Variants in KCNG2 observed in about 807,000 individuals in gnomAD.
KCNG2 encodes voltage-gated potassium channel regulatory subunit KCNG2.
Under a neutral mutation model 12.3 loss-of-function variants are expected in KCNG2, and 7 were observed. The observed-to-expected ratio is 0.57, with a 90% CI of 0.32 to 1.07. The LOEUF (loss-of-function observed/expected upper bound fraction) is 1.07. Among genes scored for constraint, KCNG2 ranks in the 50% least tolerant of loss-of-function variants. The pLI is 0.04. For synonymous variants in KCNG2, 414 were observed against 351.4 expected (o/e 1.18, Z -1.99); for missense variants, 703 against 726.0 (o/e 0.97, Z 0.36).
intron 1 of KCNG2, among the ~76,000 whole-genome samples, chr18:79,806,431 G>A (rs1253099654): frequency 6.6e-6 from 1 of 152,206 alleles, no homozygotes; most frequent in African/African-American, 2.4e-5. Flanking sequence ...ATGGTCTCAT[G>A]GGTGTTTCTT....
intron 3 of KCNG2, among the ~76,000 whole-genome samples, chr18:79,895,659 T>C (rs898249923): frequency 3.3e-5 from 5 of 152,178 alleles, no homozygotes; most frequent in Non-Finnish European, 7.4e-5. Flanking sequence ...GGTTGTTCAC[T>C]CCATTCACAT....
At chr18:79,862,381 G>A (rs1979253959) in intron 2 of KCNG2, among the ~76,000 whole-genome samples, 1 of 152,178 alleles carries the variant, frequency 6.6e-6, no homozygotes, top group Admixed American at 6.5e-5. Flanking sequence ...AGCAAGTGGT[G>A]GGACATATAG....
chr18:79,865,955 T>G (rs1478780274), intron 3 of KCNG2, among the ~76,000 whole-genome samples: 3 of 136,818 alleles, frequency 2.2e-5, no homozygotes, highest in Admixed American at 7.3e-5. Context: ...CTGAGAGGTC[T>G]GTGTGCTGAG....
chr18:79,864,027 G>C lies in KCNG2; in HGVS notation c.360G>C (p.Leu120=). 1.7e-6 allele frequency: 2 copies of C among 1,144,296 alleles called. No homozygotes were observed. Among genetic ancestry groups the C allele is most frequent in the Non-Finnish European group, 2.1e-6 (2 of 932,090 alleles). The allele number at this position is 1,144,296 out of a possible 1,614,324, so 70.9% of individuals were successfully genotyped here. The change falls in exon 3 of 4, where the codon CTG becomes CTC. Residue 120 remains leucine (L), a synonymous_variant. Coordinates refer to ENST00000316249, the MANE Select transcript of KCNG2 (RefSeq NM_012283.2). The part of the protein sequence containing the change: ...IDEARLERCC[L]RRLRRREEEA... ...AGGCGCGCCTGGAGCGCTGCTGCCT[G>C]CGCCGCCTGCGCCGCCGCGAGGAGG...
chr18:79,889,256 A>G (rs1327783068), intron 3 of KCNG2, among the ~76,000 whole-genome samples: 3 of 152,200 alleles, frequency 2.0e-5, no homozygotes, highest in Non-Finnish European at 4.4e-5. Flanking sequence ...GTCTCCTTCT[A>G]AAGTTCTGTA....
intron 1 of KCNG2, chr18:79,816,153 C>T (rs1232583233): frequency 6.6e-6 from 1 of 152,202 alleles, no homozygotes; most frequent in African/African-American, 2.4e-5. Context: ...CGTGCCCTGA[C>T]CTGGGCTTTA....
intron 3 of KCNG2, among the ~76,000 whole-genome samples, chr18:79,897,332 G>A (rs1394740954): frequency 1.3e-5 from 2 of 152,016 alleles, no homozygotes; most frequent in Admixed American, 6.6e-5. Context: ...TTCTCTGCCA[G>A]TTAAAATCTA....
intron 1 of KCNG2, among the ~76,000 whole-genome samples, chr18:79,807,744 T>G (rs2087461732): frequency 6.6e-6 from 1 of 152,250 alleles, no homozygotes; most frequent in East Asian, 1.9e-4. Context: ...GCACTCCATG[T>G]TATATGCCCA....
intron 1 of KCNG2, among the ~76,000 whole-genome samples, chr18:79,849,192 C>G (rs905255648): frequency 1.3e-5 from 2 of 152,176 alleles, no homozygotes; most frequent in African/African-American, 2.4e-5. Flanking sequence ...AGCCTGGACC[C>G]CTCAACCTCC....
In KCNG2 at chr18:79,899,804, G is replaced by C; in HGVS notation, c.1389G>C (p.Arg463=). 1 of 1,410,870 alleles carries C rather than the reference G, an allele frequency of 7.1e-7. No individual in the cohort carries two copies. The allele number at this position is 1,410,870 out of a possible 1,614,324, so 87.4% of individuals were successfully genotyped here. The change falls in exon 4 of 4, where the codon CGG becomes CGC. Residue 463 remains arginine, a synonymous_variant. Transcript: ENST00000316249. Reference sequence around the variant, plus strand: ...ACTCCGCGGATGCGCTGTGGGTGCGGGCAGGGCGCTGACGCCTGCGCCGCC... The same window carrying C: ...ACTCCGCGGATGCGCTGTGGGTGCGCGCAGGGCGCTGACGCCTGCGCCGCC... ...ADDSADALWV[R]AGR is the part of the protein sequence containing the mutation.
At chr18:79,844,011 A>G (rs1489959936) in intron 1 of KCNG2, among the ~76,000 whole-genome samples, 1 of 152,244 alleles carries the variant, frequency 6.6e-6, no homozygotes, top group East Asian at 1.9e-4. Flanking sequence ...GGATATACAT[A>G]GGCTGAAAGT....
intron 3 of KCNG2, among the ~76,000 whole-genome samples, chr18:79,882,688 C>T (rs1375765926): frequency 6.6e-6 from 1 of 152,250 alleles, no homozygotes; most frequent in Non-Finnish European, 1.5e-5. Context: ...GGAGGGTGCG[C>T]GGCCGGCAAG....
intron 1 of KCNG2, among the ~76,000 whole-genome samples, chr18:79,834,773 T>G (rs987693008): frequency 2.6e-5 from 4 of 152,180 alleles, no homozygotes; most frequent in Non-Finnish European, 5.9e-5. Flanking sequence ...CAGACTTCCT[T>G]GTCAGGAGTC....
chr18:79,861,099 A>G (rs774415411), intron 2 of KCNG2, among the ~76,000 whole-genome samples: 4 of 152,150 alleles, frequency 2.6e-5, no homozygotes, highest in Non-Finnish European at 5.9e-5. Flanking sequence ...CCTTCATCCT[A>G]TAAATGAGCG....
At position 79,820,798 on chromosome 18, in the gene KCNG2, A is replaced by G. The variant is rs1032855830; in HGVS notation, c.-115+22784A>G. 3.6e-4 allele frequency among the ~76,000 whole-genome samples: 55 copies of G among 151,908 alleles called. 1 individual carries two copies. The highest frequency in any genetic ancestry group is 1.2e-3 in the African/African-American group (51 of 41,354). The stretch of plus-strand genomic sequence containing the variant: ...GGAGCAGCTGGGACTCCAGGCATGC[A>G]CCACCACACCCAGCTAATTTTTGTA... On this transcript the variant is annotated intron_variant, in intron 1 of 3. Coordinates refer to ENST00000316249, the MANE Select transcript of KCNG2 (RefSeq NM_012283.2).
At chr18:79,880,847 CAG>C (rs1980267188) in intron 3 of KCNG2, among the ~76,000 whole-genome samples, 3 of 152,184 alleles carry the variant, frequency 2.0e-5, no homozygotes, top group African/African-American at 7.2e-5. Flanking sequence ...GAAAAAATGC[CAG>C]CTGTTCATCT....
At chr18:79,810,060 C>T (rs897614585) in intron 1 of KCNG2, among the ~76,000 whole-genome samples, 17 of 152,140 alleles carry the variant, frequency 1.1e-4, no homozygotes, top group African/African-American at 3.6e-4. Flanking sequence ...GTGGAAGGGC[C>T]GATGAGGATG....
chr18:79,825,032 A>G (rs1046072613), intron 1 of KCNG2, among the ~76,000 whole-genome samples: 1 of 152,186 alleles, frequency 6.6e-6, no homozygotes, highest in African/African-American at 2.4e-5. Context: ...TAGAGCATGG[A>G]GACTATCTAG....
intron 3 of KCNG2, among the ~76,000 whole-genome samples, chr18:79,874,647 G>C (rs1979994757): frequency 6.6e-6 from 1 of 152,220 alleles, no homozygotes; most frequent in South Asian, 2.1e-4. Flanking sequence ...TCTGTCTGCG[G>C]GTCATTCTGA....
Sources: allele counts gnomAD v4.1 joint callset (sites outside exome capture counted in the v4.1 genomes callset), GRCh38; gene constraint gnomAD v4.1.1; transcripts MANE v1.5; gene names NCBI Gene and HGNC (gene_info 2026-07-23, HGNC 2026-07-21).